The following MGAT4C variants were observed in gnomAD, a reference collection of about 807,000 sequenced individuals.
MGAT4C encodes alpha-1,3-mannosyl-glycoprotein 4-beta-N-acetylglucosaminyltransferase C.
A neutral mutation model predicts 40.1 loss-of-function variants in MGAT4C; 19 were observed. The observed-to-expected ratio is 0.47, with a 90% CI of 0.33 to 0.70. MGAT4C has a LOEUF of 0.70. Among genes scored for constraint, MGAT4C ranks in the 30% least tolerant of loss-of-function variants. The pLI is 0.02. For synonymous variants in MGAT4C, 181 were observed against 187.1 expected (o/e 0.97, Z 0.27); for missense variants, 491 against 563.2 (o/e 0.87, Z 1.30).
chr12:86,071,589 A>T (rs922684484), intron 1 of MGAT4C, among the ~76,000 whole-genome samples: 1 of 152,118 alleles, frequency 6.6e-6, no homozygotes, highest in Admixed American at 6.6e-5. Flanking sequence ...TTCTATTCAC[A>T]TGTAACATAA....
At chr12:86,104,078 T>C (rs1875644310) in intron 1 of MGAT4C, among the ~76,000 whole-genome samples, 1 of 152,060 alleles carries the variant, frequency 6.6e-6, no homozygotes, top group African/African-American at 2.4e-5. Flanking sequence ...TTATTTTTTA[T>C]CAGCTTTATT....
At chr12:86,617,393 A>C (rs1227772796) in intron 2 of MGAT4C, among the ~76,000 whole-genome samples, 1 of 152,238 alleles carries the variant, frequency 6.6e-6, no homozygotes, top group East Asian at 1.9e-4. Context: ...ATTAATATGC[A>C]GAAGAATGAA....
intron 1 of MGAT4C, among the ~76,000 whole-genome samples, chr12:86,167,167 C>T (rs1180069956): frequency 6.6e-6 from 1 of 152,104 alleles, no homozygotes; most frequent in African/African-American, 2.4e-5. Context: ...CTCATTTACT[C>T]AATAATTACT....
At chr12:86,520,726 C>T (rs1958778788) in intron 2 of MGAT4C, among the ~76,000 whole-genome samples, 1 of 152,052 alleles carries the variant, frequency 6.6e-6, no homozygotes, top group Non-Finnish European at 1.5e-5. Context: ...TCTCTGGAAC[C>T]TCACAAGCAC....
At chr12:86,332,850 GTTGA>G (rs534896842) in intron 4 of MGAT4C, among the ~76,000 whole-genome samples, 71 of 152,060 alleles carry the variant, frequency 4.7e-4, no homozygotes, top group African/African-American at 1.6e-3. Flanking sequence ...AAGAGGACAG[GTTGA>G]TTAACATTTT....
At chr12:86,426,441 T>C (rs1956928236) in intron 3 of MGAT4C, among the ~76,000 whole-genome samples, 1 of 152,222 alleles carries the variant, frequency 6.6e-6, no homozygotes, top group Admixed American at 6.5e-5. Context: ...TATTTTCACA[T>C]ATGAAAAATA....
chr12:86,141,411 C>G (rs1277987085), intron 1 of MGAT4C, among the ~76,000 whole-genome samples: 1 of 152,014 alleles, frequency 6.6e-6, no homozygotes, highest in Non-Finnish European at 1.5e-5. Context: ...AAATGAAATA[C>G]AAAGTTAAAC....
At chr12:86,147,043 T>C (rs1362452981) in intron 1 of MGAT4C, among the ~76,000 whole-genome samples, 2 of 152,110 alleles carry the variant, frequency 1.3e-5, no homozygotes, top group African/African-American at 4.8e-5. Flanking sequence ...CTTTAGAATG[T>C]CTAGAAAAAG....
chr12:86,275,875 C>T (rs61950668), intron 4 of MGAT4C, among the ~76,000 whole-genome samples: 12,779 of 139,852 alleles, frequency 0.091, 760 homozygotes, highest in Middle Eastern at 0.27. Context: ...GCCGAGGCGG[C>T]GGATCACGAC....
intron 4 of MGAT4C, among the ~76,000 whole-genome samples, chr12:85,981,943 T>C (rs1266470666): frequency 1.3e-5 from 2 of 152,108 alleles, no homozygotes; most frequent in Admixed American, 6.6e-5. Context: ...GAAAAATGAA[T>C]GGCAGTCTTA....
At chr12:86,804,456 A>G (rs924556084) in intron 1 of MGAT4C, among the ~76,000 whole-genome samples, 6 of 146,394 alleles carry the variant, frequency 4.1e-5, no homozygotes, top group African/African-American at 7.4e-5. Flanking sequence ...AAAGAAAGAA[A>G]GAAGAAAAAA....
intron 2 of MGAT4C, among the ~76,000 whole-genome samples, chr12:86,653,853 A>G (rs1198977095): frequency 6.6e-6 from 1 of 151,976 alleles, no homozygotes; most frequent in Non-Finnish European, 1.5e-5. Context: ...TTAAATGTGG[A>G]TTAAATTAAA....
At chr12:86,543,757 A>G (rs1959179723) in intron 2 of MGAT4C, among the ~76,000 whole-genome samples, 1 of 151,270 alleles carries the variant, frequency 6.6e-6, no homozygotes, top group African/African-American at 2.5e-5. Flanking sequence ...ATAATCCAAA[A>G]TCTAGTGACT....
chr12:86,252,787 T>C (rs1952355578), intron 1 of MGAT4C, among the ~76,000 whole-genome samples: 1 of 151,942 alleles, frequency 6.6e-6, no homozygotes, highest in African/African-American at 2.4e-5. Context: ...AAACTCGGCA[T>C]ACTATTACCA....
intron 1 of MGAT4C, among the ~76,000 whole-genome samples, chr12:86,160,026 G>A (rs557612020): frequency 9.9e-5 from 15 of 151,660 alleles, no homozygotes; most frequent in Non-Finnish European, 1.8e-4. Flanking sequence ...AGATTTTTAC[G>A]TCTCAATTTC....
chr12:86,267,927 A>G (rs11616002), intron 4 of MGAT4C, among the ~76,000 whole-genome samples: 2,131 of 152,268 alleles, frequency 0.014, 28 homozygotes, highest in South Asian at 0.024. Context: ...TCTTACCAAA[A>G]TATGACTAAC....
At chr12:86,065,082 C>CA (rs1384436228) in intron 1 of MGAT4C, among the ~76,000 whole-genome samples, 1 of 152,008 alleles carries the variant, frequency 6.6e-6, no homozygotes, top group Non-Finnish European at 1.5e-5. Context: ...GCCTACCAAT[C>CA]AAAAAAAGCC....
chr12:86,822,768 C>CA (rs528145305), intron 1 of MGAT4C, among the ~76,000 whole-genome samples: 40 of 151,016 alleles, frequency 2.6e-4, no homozygotes, highest in African/African-American at 8.7e-4. Flanking sequence ...AGTAACCACA[C>CA]AAAAAATCAG....
At chr12:86,603,571 T>C (rs1961902583) in intron 2 of MGAT4C, among the ~76,000 whole-genome samples, 1 of 111,142 alleles carries the variant, frequency 9.0e-6, no homozygotes, top group Admixed American at 1.0e-4. Context: ...CTATAGACTA[T>C]AGATAATATA....
Sources: allele counts gnomAD v4.1 joint callset (sites outside exome capture counted in the v4.1 genomes callset), GRCh38; gene constraint gnomAD v4.1.1; transcripts MANE v1.5; gene names NCBI Gene and HGNC (gene_info 2026-07-23, HGNC 2026-07-21).